The following VAMP7 variants were observed in gnomAD, a reference collection of about 807,000 sequenced individuals.
VAMP7 encodes vesicle-associated membrane protein 7.
VAMP7 carries 14 observed loss-of-function variants against 29.6 expected under a neutral mutation model. That is an observed-to-expected ratio of 0.47 (90% CI 0.31 to 0.74). The LOEUF (loss-of-function observed/expected upper bound fraction) is 0.74, where lower values mean the gene tolerates loss of function less well. VAMP7 is among the 30% of genes least tolerant of loss of function. VAMP7 has a pLI of 0.05. For missense variants in VAMP7, 223 were observed against 262.4 expected (o/e 0.85, Z 1.04); for synonymous variants, 95 against 88.1 (o/e 1.08, Z -0.44).
intron 1 of VAMP7, among the ~76,000 whole-genome samples, chrX:155,883,624 A>G (rs2065830193): frequency 6.6e-6 from 1 of 152,004 alleles, no homozygotes; most frequent in Admixed American, 6.6e-5. Flanking sequence ...AGTTAATTCT[A>G]CTACTTTATT....
intron 2 of VAMP7, among the ~76,000 whole-genome samples, chrX:155,893,723 C>G (rs192496282): frequency 6.6e-6 from 1 of 152,304 alleles, no homozygotes; most frequent in Admixed American, 6.5e-5. Context: ...GAGGACCCCA[C>G]CCTCATGACC....
chrX:155,904,017 A>G (rs989789821), intron 5 of VAMP7, among the ~76,000 whole-genome samples: 44 of 151,974 alleles, frequency 2.9e-4, no homozygotes, highest in Non-Finnish European at 5.4e-4. Context: ...ATGGAATACT[A>G]TGCAGCCATA....
chrX:155,933,543 G>A (rs1204253595), intron 6 of VAMP7, among the ~76,000 whole-genome samples: 3 of 152,058 alleles, frequency 2.0e-5, no homozygotes, highest in African/African-American at 7.2e-5. Context: ...TGGGATCGGT[G>A]GTGATATCCC....
At chrX:155,883,823 G>A (rs2065833984) in intron 1 of VAMP7, among the ~76,000 whole-genome samples, 1 of 149,960 alleles carries the variant, frequency 6.7e-6, no homozygotes. Context: ...CAATTCTCCT[G>A]CCTCAGCCCC....
At chrX:155,941,683 G>T (rs1377143131) in intron 7 of VAMP7, among the ~76,000 whole-genome samples, 200 bp from the exon 8 acceptor site, 1 of 151,992 alleles carries the variant, frequency 6.6e-6, no homozygotes, top group Admixed American at 6.6e-5. Flanking sequence ...AGTTCAAGTG[G>T]GTGTGAGTTA....
chrX:155,898,034 T>A (rs1397186843), intron 3 of VAMP7, 78 bp from the exon 4 acceptor site: 1 of 1,541,500 alleles, frequency 6.5e-7, no homozygotes, highest in African/African-American at 1.4e-5. Context: ...TGTTAGCTGT[T>A]TTTTATTGTT....
At chrX:155,914,161 T>G (rs1460856813) in intron 5 of VAMP7, among the ~76,000 whole-genome samples, 2 of 151,976 alleles carry the variant, frequency 1.3e-5, no homozygotes, top group African/African-American at 4.8e-5. Context: ...GGCTCTCTGT[T>G]TGTCTTTTAT....
At chrX:155,895,792 T>C (rs1323413338) in intron 3 of VAMP7, 112 bp downstream of exon 3, 23 of 803,480 alleles carry the variant, frequency 2.9e-5, no homozygotes, top group Non-Finnish European at 2.0e-6. Context: ...CCGGTACAGG[T>C]CTGTGGCTTG....
chrX:155,942,494 TATTTC>T lies in VAMP7; in HGVS notation c.*545_*549del, dbSNP rs1270953117. 1 of 250,094 alleles carries T rather than the reference TATTTC, an allele frequency of 4.0e-6. No homozygotes were observed. The highest frequency in any genetic ancestry group is 7.7e-6 in the Non-Finnish European group (1 of 129,512). The allele number at this position is 250,094 out of a possible 1,614,324, so 15.5% of individuals were successfully genotyped here. A position where few individuals can be genotyped will look rare whatever the true frequency, so the allele number is the denominator to read the frequency against. Reference sequence around the variant, plus strand: ...AGACAAGTAAAGTATGAAACATTCTTATTTCAGTTAGATGGGGAACATTTTGCTAG... The same window carrying T: ...AGACAAGTAAAGTATGAAACATTCTTAGTTAGATGGGGAACATTTTGCTAG... On this transcript the variant is annotated 3_prime_UTR_variant, in exon 8 of 8. Coordinates refer to ENST00000286448, the MANE Select transcript of VAMP7 (RefSeq NM_005638.6).
intron 1 of VAMP7, among the ~76,000 whole-genome samples, chrX:155,885,932 T>C (rs1324179211): frequency 6.6e-6 from 1 of 152,212 alleles, no homozygotes. Context: ...TTTTTGGTAC[T>C]TTATTACTGC....
chrX:155,937,143 A>G (rs2066672155), intron 6 of VAMP7, among the ~76,000 whole-genome samples: 1 of 152,224 alleles, frequency 6.6e-6, no homozygotes, highest in Non-Finnish European at 1.5e-5. Flanking sequence ...AGAAGACATT[A>G]TATTAAGTGA....
chrX:155,942,463 G>C lies in VAMP7; in HGVS notation c.*512G>C. ...TGATGTTGGTGCTGCTTCCTTCTAA[G>C]AGCTCAGACAAGTAAAGTATGAAAC... On this transcript the variant is annotated 3_prime_UTR_variant, in exon 8 of 8. Transcript: ENST00000286448. 1 of 317,274 alleles carries C rather than the reference G, an allele frequency of 3.2e-6. No individual in the cohort carries two copies. Among genetic ancestry groups the C allele is most frequent in the Non-Finnish European group, 5.8e-6 (1 of 172,334 alleles). 19.7% of individuals were successfully genotyped at this position (317,274 alleles called of 1,614,324 possible).
intron 5 of VAMP7, among the ~76,000 whole-genome samples, chrX:155,902,545 C>G (rs1194310989): frequency 6.6e-6 from 1 of 150,650 alleles, no homozygotes; most frequent in Non-Finnish European, 1.5e-5. Context: ...TACATCCCAT[C>G]AATACCTAAT....
In VAMP7 at chrX:155,896,940, C is replaced by T. The variant is rs894303753; in HGVS notation, c.205-1172C>T. On this transcript the variant is annotated intron_variant, in intron 3 of 7. Coordinates refer to ENST00000286448, the MANE Select transcript of VAMP7 (RefSeq NM_005638.6). ...AAAACACACACAATTCTAACAAAGC[C>T]AATTATATTGAAATATATATATATA... 8.8e-4 allele frequency among the ~76,000 whole-genome samples: 133 copies of T among 151,376 alleles called. 2 individuals carry two copies. The highest frequency in any genetic ancestry group is 2.9e-3 in the African/African-American group (121 of 41,362).
intron 5 of VAMP7, among the ~76,000 whole-genome samples, chrX:155,919,452 T>A (rs1390410690): frequency 2.0e-5 from 3 of 152,216 alleles, no homozygotes; most frequent in East Asian, 3.8e-4. Flanking sequence ...ATGCAAGGAC[T>A]TTTTCTTGAG....
intron 1 of VAMP7, among the ~76,000 whole-genome samples, chrX:155,885,409 A>G (rs2065853113): frequency 6.6e-6 from 1 of 152,160 alleles, no homozygotes; most frequent in African/African-American, 2.4e-5. Flanking sequence ...GTGAGTTTCT[A>G]AAATGGAAGT....
intron 5 of VAMP7, among the ~76,000 whole-genome samples, chrX:155,903,649 C>T (rs978347946): frequency 6.6e-6 from 1 of 152,154 alleles, no homozygotes; most frequent in Non-Finnish European, 1.5e-5. Flanking sequence ...ATCAAAACCA[C>T]AATGTGATAC....
In VAMP7 at chrX:155,926,913, A is replaced by G. The variant is rs2066475519; in HGVS notation, c.501+7033A>G. 2.0e-5 allele frequency among the ~76,000 whole-genome samples: 3 copies of G among 152,196 alleles called. No individual in the cohort carries two copies. The South Asian group carries it at 6.2e-4, about 32-fold the overall frequency. ...GCCTGAGAGGGAGAGAGATAAGAGA[A>G]TAGCTGGTCAGTGAACAGTTAGAAC... On this transcript the variant is annotated intron_variant, in intron 6 of 7. Coordinates refer to ENST00000286448, the MANE Select transcript of VAMP7 (RefSeq NM_005638.6).
At chrX:155,891,318 C>T (rs1240999696) in intron 2 of VAMP7, among the ~76,000 whole-genome samples, 6 of 152,156 alleles carry the variant, frequency 3.9e-5, no homozygotes, top group African/African-American at 1.4e-4. Context: ...GTGAACCTTT[C>T]TTCCCAAACA....
Sources: allele counts gnomAD v4.1 joint callset (sites outside exome capture counted in the v4.1 genomes callset), GRCh38; gene constraint gnomAD v4.1.1; transcripts MANE v1.5; gene names NCBI Gene and HGNC (gene_info 2026-07-23, HGNC 2026-07-21).